Variants in MYPN observed in about 807,000 individuals in gnomAD.
The protein encoded by MYPN is myopalladin.
MYPN carries 63 observed loss-of-function variants against 129.4 expected under a neutral mutation model. That is an observed-to-expected ratio of 0.49 (90% CI 0.40 to 0.60). MYPN has a LOEUF of 0.60. Ranked by LOEUF, MYPN falls within the 20% of genes least tolerant of loss-of-function variation. MYPN has a pLI of 0.00. For synonymous variants in MYPN, 629 were observed against 600.9 expected (o/e 1.05, Z -0.68); for missense variants, 1,596 against 1,635.4 (o/e 0.98, Z 0.42).
chr10:68,159,357 G>A (rs1436833089), intron 7 of MYPN, among the ~76,000 whole-genome samples: 1 of 152,152 alleles, frequency 6.6e-6, no homozygotes, highest in Non-Finnish European at 1.5e-5. Context: ...CACCAACAAT[G>A]AGTGTTAACC....
At chr10:68,186,680 A>T (rs969024423) in intron 12 of MYPN, among the ~76,000 whole-genome samples, 3 of 152,222 alleles carry the variant, frequency 2.0e-5, no homozygotes, top group African/African-American at 7.2e-5. Flanking sequence ...TTCAGATCTT[A>T]TTGAGCGCTC....
intron 2 of MYPN, among the ~76,000 whole-genome samples, chr10:68,123,341 T>C (rs1466088804): frequency 2.6e-5 from 4 of 151,750 alleles, no homozygotes; most frequent in African/African-American, 9.7e-5. Context: ...ATCGCACCAC[T>C]GCACTCCAGC....
chr10:68,110,791 G>C (rs1486036728), intron 1 of MYPN, among the ~76,000 whole-genome samples: 2 of 152,072 alleles, frequency 1.3e-5, no homozygotes, highest in East Asian at 3.8e-4. Flanking sequence ...AAGATATACT[G>C]TCCGACACAT....
chr10:68,173,574 T>TTTTTTTTA (rs386371696), intron 10 of MYPN, among the ~76,000 whole-genome samples: 37 of 140,828 alleles, frequency 2.6e-4, no homozygotes, highest in Non-Finnish European at 5.1e-4. Flanking sequence ...CATCAAGTTA[T>TTTTTTTTA]TTTATTTATT....
upstream of MYPN, among the ~76,000 whole-genome samples, chr10:68,107,971 G>A (rs762145851): frequency 1.3e-5 from 2 of 152,196 alleles, no homozygotes; most frequent in Non-Finnish European, 2.9e-5. Flanking sequence ...AGATCTGAGT[G>A]GGATAGTGGA....
chr10:68,136,629 T>C, intron 2 of MYPN: 1 of 1,532,656 alleles, frequency 6.5e-7, no homozygotes, highest in South Asian at 1.2e-5. Context: ...GCCATCTGAG[T>C]AAGGACAAAA....
At position 68,166,315 on chromosome 10, in the gene MYPN, A is replaced by T. The variant is rs775304669; in HGVS notation, c.1622A>T (p.Asn541Ile). 1 of 1,614,104 alleles carries T rather than the reference A, an allele frequency of 6.2e-7. No homozygotes were observed. The highest frequency in any genetic ancestry group is 8.5e-7 in the Non-Finnish European group (1 of 1,180,042). Residue 541 changes from asparagine (N) to isoleucine (I), a missense_variant, in exon 10 of 20, where the codon AAC (asparagine) becomes ATC (isoleucine). By Grantham distance (149) the Asn-to-Ile change is moderately radical. Coordinates refer to ENST00000358913, the MANE Select transcript of MYPN (RefSeq NM_032578.4). Reference protein sequence around the residue: ...HVRGNEDLSNNGSLHSANSTT... With the variant: ...HVRGNEDLSNIGSLHSANSTT... The stretch of plus-strand genomic sequence containing the variant: ...TCAGGAAATGAGGACCTCAGCAACA[A>T]CGGGTCTCTTCACTCAGCCAACTCT...
upstream of MYPN, among the ~76,000 whole-genome samples, chr10:68,102,310 A>T (rs556641702): frequency 6.6e-6 from 1 of 151,812 alleles, no homozygotes; most frequent in Non-Finnish European, 1.5e-5. Flanking sequence ...TAAATTTTTT[A>T]TAGAGGTGGT....
chr10:68,153,908 G>A (rs931367297), intron 6 of MYPN, among the ~76,000 whole-genome samples: 1 of 150,722 alleles, frequency 6.6e-6, no homozygotes, highest in African/African-American at 2.4e-5. Context: ...TTTGCCAATC[G>A]TGGCAAGAAG....
intron 18 of MYPN, among the ~76,000 whole-genome samples, chr10:68,204,925 C>A (rs2043788530): frequency 6.6e-6 from 1 of 151,918 alleles, no homozygotes; most frequent in Non-Finnish European, 1.5e-5. Context: ...AAGGAATATG[C>A]CATGATCCCT....
At chr10:68,103,453 C>A (rs897797719), upstream of MYPN, among the ~76,000 whole-genome samples, 1 of 152,112 alleles carries the variant, frequency 6.6e-6, no homozygotes, top group Admixed American at 6.6e-5. Flanking sequence ...TTTTTCTGTA[C>A]CCTTCATGTT....
At chr10:68,165,956 A>G (rs375325072) in intron 9 of MYPN, 138 bp downstream of exon 9, 2 of 867,742 alleles carry the variant, frequency 2.3e-6, no homozygotes, top group East Asian at 2.5e-5. Flanking sequence ...ATTGAGGAAA[A>G]TGTTCTTGAA....
At chr10:68,151,463 T>C (rs770267227) in intron 6 of MYPN, among the ~76,000 whole-genome samples, 2 of 152,238 alleles carry the variant, frequency 1.3e-5, no homozygotes, top group Non-Finnish European at 2.9e-5. Context: ...ATTTGGTGGA[T>C]ACAAGACTTT....
At chr10:68,188,558 C>T (rs1163812508) in intron 12 of MYPN, among the ~76,000 whole-genome samples, 1 of 152,132 alleles carries the variant, frequency 6.6e-6, no homozygotes, top group Non-Finnish European at 1.5e-5. Flanking sequence ...TTCAGAATGG[C>T]TTTGCCAAAA....
Position 68,174,181 on chromosome 10 carries a change from T to G in MYPN, c.2089T>G (p.Ser697Ala), listed in dbSNP as rs2043187783. ...EFPFSMTVLN[S>A]NAPPAVTTSS... ...TCCTTTCAGCATGACTGTTTTGAACTCCAATGCTCCCCCAGCGGTGACAAC... is the reference window on the plus strand; with the variant it reads ...TCCTTTCAGCATGACTGTTTTGAACGCCAATGCTCCCCCAGCGGTGACAAC... Residue 697 changes from serine (S) to alanine (A), a missense_variant, in exon 11 of 20, where the codon TCC becomes GCC. Ser to Ala is a moderately conservative substitution (Grantham distance 99). Transcript: ENST00000358913. 1.9e-6 allele frequency: 3 copies of G among 1,613,990 alleles called. No individual in the cohort carries two copies. The highest frequency in any genetic ancestry group is 2.5e-6 in the Non-Finnish European group (3 of 1,179,952).
At chr10:68,186,118 C>T (rs928826492) in intron 12 of MYPN, among the ~76,000 whole-genome samples, 1 of 152,150 alleles carries the variant, frequency 6.6e-6, no homozygotes, top group African/African-American at 2.4e-5. Context: ...TTTCAGAATC[C>T]AGTAACAATC....
At position 68,174,632 on chromosome 10, in the gene MYPN, G is replaced by T. The variant is rs181848049; in HGVS notation, c.2540G>T (p.Gly847Val). The T allele has an allele frequency of 6.8e-5, 110 of 1,614,100 alleles. 1 individual carries two copies. The East Asian group carries it at 2.3e-3, about 34-fold the overall frequency. Reference sequence around the variant, plus strand: ...GCCATCCCACCCACAAATGCCATGGGGCTGCCTAGAAGTGCACCATCCATG... The same window carrying T: ...GCCATCCCACCCACAAATGCCATGGTGCTGCCTAGAAGTGCACCATCCATG... ...LPAIPPTNAM[G>V]LPRSAPSMPS... Residue 847 changes from glycine (G) to valine (V), a missense_variant, in exon 11 of 20, where the codon GGG becomes GTG. Transcript: ENST00000358913.
chr10:68,130,102 A>G (rs529721004), intron 2 of MYPN, among the ~76,000 whole-genome samples: 2 of 152,278 alleles, frequency 1.3e-5, no homozygotes, highest in South Asian at 2.1e-4. Flanking sequence ...GCCTGTTTAC[A>G]TCTTTCACCC....
chr10:68,201,837 G>C lies in MYPN; in HGVS notation c.3502G>C (p.Val1168Leu). ...SLELSVVAKEVKKAPVILEKL... is the reference protein window; with the variant it reads ...SLELSVVAKELKKAPVILEKL... Reference sequence around the variant, plus strand: ...ACCCTTCTCTTGCTCAGCCAAAGAGGTGAAGAAAGCACCTGTGATCCTGGA... The same window carrying C: ...ACCCTTCTCTTGCTCAGCCAAAGAGCTGAAGAAAGCACCTGTGATCCTGGA... Residue 1168 changes from valine to leucine, a missense_variant, in exon 18 of 20, where the codon GTG becomes CTG. Val to Leu is a conservative substitution (Grantham distance 32, BLOSUM62 1). Transcript: ENST00000358913. 6.2e-7 allele frequency: 1 copy of C among 1,614,080 alleles called. No homozygotes were observed. The highest frequency in any genetic ancestry group is 8.5e-7 in the Non-Finnish European group (1 of 1,180,008).
Sources: allele counts gnomAD v4.1 joint callset (sites outside exome capture counted in the v4.1 genomes callset), GRCh38; gene constraint gnomAD v4.1.1; transcripts MANE v1.5; gene names NCBI Gene and HGNC (gene_info 2026-07-23, HGNC 2026-07-21).